TMSB15B: variants seen among roughly 807,000 people sequenced by gnomAD.
TMSB15B encodes the protein thymosin beta-15B.
chrX:103,945,073 C>T (rs190618230), intron 1 of TMSB15B, among the ~76,000 whole-genome samples: 1 of 112,901 alleles, frequency 8.9e-6, no homozygotes, highest in African/African-American at 3.2e-5. Context: ...CCACTGAGCC[C>T]GGCCAATATG....
intron 1 of TMSB15B, among the ~76,000 whole-genome samples, chrX:103,952,139 C>T (rs146592350): frequency 0.013 from 1,393 of 111,363 alleles, 23 homozygotes; most frequent in African/African-American, 0.042. Context: ...CCTGGGTAAC[C>T]TTCCCAACTT....
intron 1 of TMSB15B, among the ~76,000 whole-genome samples, chrX:103,927,794 A>C: frequency 9.0e-6 from 1 of 110,682 alleles, no homozygotes; most frequent in African/African-American, 3.3e-5. Flanking sequence ...ATGTTCTTCA[A>C]GTAATCCTTC....
chrX:103,920,084 CT>C (rs781942770), intron 1 of TMSB15B, among the ~76,000 whole-genome samples: 2 of 111,451 alleles, frequency 1.8e-5, no homozygotes, highest in East Asian at 2.8e-4. Context: ...TTTAAAAATA[CT>C]TTTTTTTATA....
chrX:103,922,225 T>C, intron 1 of TMSB15B, among the ~76,000 whole-genome samples: 1 of 110,566 alleles, frequency 9.0e-6, no homozygotes, highest in Non-Finnish European at 1.9e-5. Flanking sequence ...ATTAGTGCTA[T>C]ACTTTAAGTT....
intron 1 of TMSB15B, chrX:103,928,210 C>G: frequency 3.3e-6 from 4 of 1,195,924 alleles, no homozygotes; most frequent in Non-Finnish European, 4.5e-6. Flanking sequence ...CTGTTTCCAA[C>G]TCTATGTCTA....
chrX:103,933,575 T>G (rs1419341553), intron 1 of TMSB15B, among the ~76,000 whole-genome samples: 1 of 111,831 alleles, frequency 8.9e-6, no homozygotes, highest in African/African-American at 3.3e-5. Flanking sequence ...TGCTTTTGTT[T>G]ATAGGTTTTC....
At chrX:103,930,537 C>T (rs1904873673) in intron 1 of TMSB15B, among the ~76,000 whole-genome samples, 1 of 110,420 alleles carries the variant, frequency 9.1e-6, no homozygotes, top group Non-Finnish European at 1.9e-5. Flanking sequence ...TGCCTAGGTG[C>T]TCAATAACAT....
intron 1 of TMSB15B, among the ~76,000 whole-genome samples, chrX:103,929,306 A>G (rs1440155184): frequency 3.6e-5 from 4 of 111,939 alleles, no homozygotes; most frequent in Non-Finnish European, 7.5e-5. Flanking sequence ...CATTCCTTTA[A>G]GGAATTCCTT....
intron 1 of TMSB15B, among the ~76,000 whole-genome samples, chrX:103,954,552 G>T (rs2075046815): frequency 8.9e-6 from 1 of 111,763 alleles, no homozygotes; most frequent in African/African-American, 3.3e-5. Context: ...ACATGGGTGG[G>T]TTTTGCTTTA....
intron 1 of TMSB15B, among the ~76,000 whole-genome samples, chrX:103,950,092 T>C (rs1483656391): frequency 1.8e-5 from 2 of 111,285 alleles, no homozygotes; most frequent in Non-Finnish European, 3.8e-5. Context: ...CTCATGACCA[T>C]AACCATGACA....
At chrX:103,933,608 A>G (rs1472810641) in intron 1 of TMSB15B, among the ~76,000 whole-genome samples, 11 of 111,459 alleles carry the variant, frequency 9.9e-5, no homozygotes, top group Non-Finnish European at 1.9e-4. Context: ...ATCCCTAACC[A>G]ACAGTTTTGT....
At chrX:103,928,520 T>G in intron 1 of TMSB15B, 10 of 1,197,046 alleles carry the variant, frequency 8.4e-6, no homozygotes, top group Non-Finnish European at 1.1e-5. Context: ...CAAAATGTGC[T>G]CCAGGATGGT....
chrX:103,938,331 A>G (rs1450341045), intron 1 of TMSB15B, among the ~76,000 whole-genome samples: 1 of 111,371 alleles, frequency 9.0e-6, no homozygotes, highest in Admixed American at 9.5e-5. Context: ...AACTTGTTTT[A>G]CCGGGTGCTC....
chrX:103,950,007 C>T (rs1414056565), intron 1 of TMSB15B, among the ~76,000 whole-genome samples: 16 of 111,178 alleles, frequency 1.4e-4, no homozygotes, highest in Admixed American at 1.2e-3. Context: ...ACTCATTAGC[C>T]GTGCCCAATG....
intron 1 of TMSB15B, among the ~76,000 whole-genome samples, chrX:103,953,924 C>T (rs1421539597): frequency 2.7e-5 from 3 of 111,743 alleles, no homozygotes; most frequent in African/African-American, 9.8e-5. Flanking sequence ...CAACAAACTA[C>T]AGCCAACCCA....
At chrX:103,950,373 A>G (rs2075036054) in intron 1 of TMSB15B, among the ~76,000 whole-genome samples, 1 of 110,856 alleles carries the variant, frequency 9.0e-6, no homozygotes, top group African/African-American at 3.3e-5. Flanking sequence ...TGAGTGAGGA[A>G]CAGAACAGGC....
At chrX:103,926,110 A>C (rs1308985812) in intron 1 of TMSB15B, among the ~76,000 whole-genome samples, 1 of 110,485 alleles carries the variant, frequency 9.1e-6, no homozygotes, top group Non-Finnish European at 1.9e-5. Flanking sequence ...TTCTCAGCTA[A>C]AGGGTAAGAG....
intron 1 of TMSB15B, among the ~76,000 whole-genome samples, chrX:103,945,158 T>G (rs1556326971): frequency 8.8e-6 from 1 of 112,998 alleles, no homozygotes; most frequent in Non-Finnish European, 1.9e-5. Context: ...AGCAGGCACT[T>G]TATTTACAAT....
At chrX:103,948,371 G>A (rs1427201995) in intron 1 of TMSB15B, among the ~76,000 whole-genome samples, 2 of 111,371 alleles carry the variant, frequency 1.8e-5, no homozygotes, top group Non-Finnish European at 3.8e-5. Context: ...AATTACTGTG[G>A]AAACTTATTT....
Sources: gnomAD v4.1 joint callset for allele counts (sites outside exome capture counted in the v4.1 genomes callset) on GRCh38, gnomAD v4.1.1 for gene constraint, MANE v1.5 for transcripts, NCBI Gene and HGNC (gene_info 2026-07-23, HGNC 2026-07-21) for gene names.